The following SLC25A51 variants were observed in gnomAD, a reference collection of about 807,000 sequenced individuals.
The protein encoded by SLC25A51 is mitochondrial nicotinamide adenine dinucleotide transporter SLC25A51.
In SLC25A51, 11 loss-of-function variants were observed where a neutral mutation model predicts 19.1. The ratio of observed to expected loss-of-function variants is 0.58; its 90% CI spans 0.36 to 0.96. SLC25A51 has a LOEUF of 0.96. SLC25A51 is among the 40% of genes least tolerant of loss of function. The pLI is 0.01. For synonymous variants in SLC25A51, 105 were observed against 133.6 expected, an observed-to-expected ratio of 0.79 and a Z score of 1.47; for missense variants, 201 against 365.4, an observed-to-expected ratio of 0.55 and a Z score of 3.67.
chr9:37,878,765 A>G (rs1225559259), downstream of SLC25A51: 1 of 158,082 alleles, frequency 6.3e-6, no homozygotes, highest in African/African-American at 2.4e-5. Flanking sequence ...GGGGGAGCAA[A>G]GCCAATAGAA....
intron 2 of SLC25A51, among the ~76,000 whole-genome samples, chr9:37,889,613 TA>T (rs1831535910): frequency 6.6e-6 from 1 of 151,708 alleles, no homozygotes; most frequent in East Asian, 1.9e-4. Context: ...AGGGCACAGC[TA>T]GTAACTGGTG....
In SLC25A51 at chr9:37,899,988, CTTTTTTTTTTTTTTTTTT is replaced by C. The variant is rs35821924; in HGVS notation, c.-164-56_-164-39del. On this transcript the variant is annotated intron_variant, in intron 1 of 2. Transcript: ENST00000242275. Reference sequence around the variant, plus strand: ...AAAATTCTGGTTTAATTTATATAGCCTTTTTTTTTTTTTTTTTTTTTTTTTTTTTTGTAGAGACAGGGT... The same window carrying C: ...AAAATTCTGGTTTAATTTATATAGCCTTTTTTTTTTTTGTAGAGACAGGGT... The C allele has an allele frequency of 5.3e-5, 3 of 57,086 alleles. No individual in the cohort carries two copies. In the Admixed American group the frequency reaches 8.3e-4, roughly 16 times the overall value. 3.5% of individuals were successfully genotyped at this position (57,086 alleles called of 1,614,324 possible). A position where few individuals can be genotyped will look rare whatever the true frequency, so the allele number is the denominator to read the frequency against.
chr9:37,879,169 A>AGCT, downstream of SLC25A51: 1 of 332,638 alleles, frequency 3.0e-6, no homozygotes, highest in Non-Finnish European at 6.1e-6. Context: ...TGAGGATTAA[A>AGCT]GCTGAGTATG....
At chr9:37,885,692 G>A (rs1286539523), downstream of SLC25A51, 26 of 1,364,204 alleles carry the variant, frequency 1.9e-5, no homozygotes, top group East Asian at 6.9e-5. Flanking sequence ...AGAGAGAAGC[G>A]GAGATCCTGA....
At chr9:37,879,329 G>A (rs16934554), downstream of SLC25A51, 1,735 of 200,972 alleles carry the variant, frequency 8.6e-3, 39 homozygotes, top group African/African-American at 0.039. Flanking sequence ...TCTTCTCTGC[G>A]ACTACTCAGT....
chr9:37,882,530 T>C (rs1047820), intron 2 of SLC25A51, among the ~76,000 whole-genome samples: 1 of 152,230 alleles, frequency 6.6e-6, no homozygotes, highest in Non-Finnish European at 1.5e-5. Context: ...AGCTGGTGAT[T>C]ACACAACCAA....
At chr9:37,885,643 G>T, downstream of SLC25A51, 1 of 892,500 alleles carries the variant, frequency 1.1e-6, no homozygotes, top group South Asian at 1.3e-5. Flanking sequence ...GTGGGCCTCA[G>T]AGAAGACTCG....
At chr9:37,901,476 T>C (rs781182506) in intron 1 of SLC25A51, among the ~76,000 whole-genome samples, 7 of 152,252 alleles carry the variant, frequency 4.6e-5, no homozygotes, top group South Asian at 4.1e-4. Flanking sequence ...GCTTATTTTC[T>C]TGTAATTCTT....
chr9:37,887,749 G>C lies in SLC25A51; in HGVS notation c.802C>G (p.Leu268Val). Reference protein sequence around the residue: ...WLERDRKLINLFRGAHLNYHR... With the variant: ...WLERDRKLINVFRGAHLNYHR... ...TAATTCAGATGGGCACCTCTGAAAAGATTTATCAGTTTTCTGTCCCGTTCC... is the reference window on the plus strand; with the variant it reads ...TAATTCAGATGGGCACCTCTGAAAACATTTATCAGTTTTCTGTCCCGTTCC... The change falls in exon 3 of 3, where the codon CTT (leucine) becomes GTT (valine). Residue 268 changes from leucine to valine, a missense_variant. Transcript: ENST00000242275. 6.2e-7 allele frequency: 1 copy of C among 1,613,846 alleles called. No individual in the cohort carries two copies. The highest frequency in any genetic ancestry group is 8.5e-7 in the Non-Finnish European group (1 of 1,179,836).
intron 2 of SLC25A51, 146 bp downstream of exon 2, chr9:37,899,683 C>T (rs900954494): frequency 6.6e-6 from 1 of 152,084 alleles, no homozygotes; most frequent in Non-Finnish European, 1.5e-5. Flanking sequence ...AGTTTTAATA[C>T]TATCTTCACA....
At chr9:37,884,214 T>C (rs1831402590), downstream of SLC25A51, among the ~76,000 whole-genome samples, 1 of 152,246 alleles carries the variant, frequency 6.6e-6, no homozygotes, top group African/African-American at 2.4e-5. Flanking sequence ...GTCTCTTGTA[T>C]TTCATTAGTC....
intron 2 of SLC25A51, among the ~76,000 whole-genome samples, chr9:37,895,365 C>CTT (rs1039284688): frequency 9.4e-5 from 13 of 138,258 alleles, no homozygotes; most frequent in East Asian, 2.0e-4. Flanking sequence ...CCACATTCGG[C>CTT]TTTTTTTTTT....
At chr9:37,884,864 G>C (rs561882576), downstream of SLC25A51, among the ~76,000 whole-genome samples, 3 of 152,286 alleles carry the variant, frequency 2.0e-5, no homozygotes, top group Non-Finnish European at 4.4e-5. Flanking sequence ...CATTTTGGAA[G>C]GGTTGAAGAT....
At chr9:37,899,205 C>T (rs1323382016) in intron 2 of SLC25A51, among the ~76,000 whole-genome samples, 1 of 152,162 alleles carries the variant, frequency 6.6e-6, no homozygotes, top group Non-Finnish European at 1.5e-5. Context: ...TCTATCTTTT[C>T]TGACTTATTC....
At chr9:37,894,931 T>A (rs1029308178) in intron 2 of SLC25A51, among the ~76,000 whole-genome samples, 3 of 152,202 alleles carry the variant, frequency 2.0e-5, no homozygotes, top group Non-Finnish European at 4.4e-5. Flanking sequence ...TCCATCCATG[T>A]TCCAGCAAAG....
chr9:37,899,955 A>T lies in SLC25A51; in HGVS notation c.-164-5T>A, dbSNP rs998485480. On this transcript the variant is annotated splice_polypyrimidine_tract_variant and splice_region_variant and intron_variant, in intron 1 of 2. Transcript: ENST00000242275. ...CAATTTTGATAACTGGATTTCCTTA[A>T]AAAAAAAAAAATTCTGGTTTAATTT... is the stretch of plus-strand genomic sequence containing the variant. The T allele has an allele frequency of 7.1e-6, 1 of 141,474 alleles. No individual in the cohort carries two copies. The highest frequency in any genetic ancestry group is 2.9e-5 in the African/African-American group (1 of 33,996). 8.8% of individuals were successfully genotyped at this position (141,474 alleles called of 1,614,324 possible).
chr9:37,903,892 C>T (rs1831913632), intron 1 of SLC25A51, 176 bp downstream of exon 1: 1 of 152,302 alleles, frequency 6.6e-6, no homozygotes, highest in Non-Finnish European at 1.5e-5. Flanking sequence ...CTGATTCCGC[C>T]CGCGCCGCCT....
At chr9:37,903,630 G>A (rs1319836457) in intron 1 of SLC25A51, 2 of 152,438 alleles carry the variant, frequency 1.3e-5, no homozygotes, top group East Asian at 3.9e-4. Context: ...ACAGTCAGGG[G>A]TCCCGAGGTG....
At chr9:37,895,570 A>C (rs1831699180) in intron 2 of SLC25A51, among the ~76,000 whole-genome samples, 1 of 152,028 alleles carries the variant, frequency 6.6e-6, no homozygotes, top group South Asian at 2.1e-4. Context: ...ACATTTTCAT[A>C]TATGTTGCCC....
Sources: gnomAD v4.1 joint callset for allele counts (sites outside exome capture counted in the v4.1 genomes callset) on GRCh38, gnomAD v4.1.1 for gene constraint, MANE v1.5 for transcripts, NCBI Gene and HGNC (gene_info 2026-07-23, HGNC 2026-07-21) for gene names.